The following RBFOX1 variants were observed in gnomAD, a reference collection of about 807,000 sequenced individuals.
RBFOX1 encodes RNA binding fox-1 homolog 1.
A neutral mutation model predicts 57.7 loss-of-function variants in RBFOX1; 8 were observed. The ratio of observed to expected loss-of-function variants is 0.14; its 90% confidence interval spans 0.08 to 0.25. The LOEUF (loss-of-function observed/expected upper bound fraction) is 0.25. Ranked by LOEUF, RBFOX1 falls within the 10% of genes least tolerant of loss-of-function variation. The pLI is 1.00. For synonymous variants in RBFOX1, 326 were observed against 222.4 expected (o/e 1.47, Z -4.15); for missense variants, 611 against 548.5 (o/e 1.11, Z -1.14).
At chr16:5,775,054 A>G (rs916629245) in intron 3 of RBFOX1, among the ~76,000 whole-genome samples, 2 of 152,104 alleles carry the variant, frequency 1.3e-5, no homozygotes, top group Non-Finnish European at 2.9e-5. Flanking sequence ...TCACATAAAA[A>G]TGGAAAATCT....
intron 4 of RBFOX1, among the ~76,000 whole-genome samples, chr16:7,104,056 T>G (rs957185651): frequency 2.0e-5 from 3 of 152,180 alleles, no homozygotes; most frequent in African/African-American, 7.2e-5. Context: ...TCTAAAATAG[T>G]TCGTTACTAA....
chr16:7,120,830 T>TATATACACAC (rs1226442313), intron 4 of RBFOX1, among the ~76,000 whole-genome samples: 152 of 86,588 alleles, frequency 1.8e-3, no homozygotes, highest in Non-Finnish European at 2.6e-3. Context: ...TATGTATATA[T>TATATACACAC]ACACACACAC....
chr16:5,733,382 C>T (rs1357634933), intron 3 of RBFOX1, among the ~76,000 whole-genome samples: 1 of 152,132 alleles, frequency 6.6e-6, no homozygotes, highest in Non-Finnish European at 1.5e-5. Context: ...AGCAACTTAC[C>T]ATGATTCACA....
intron 1 of RBFOX1, among the ~76,000 whole-genome samples, chr16:5,242,872 G>A (rs937433235): frequency 2.5e-4 from 38 of 151,936 alleles, no homozygotes; most frequent in Non-Finnish European, 4.6e-4. Context: ...GGGTGGCAAG[G>A]GGTTGCTTTA....
At chr16:5,641,135 C>T (rs1170607265) in intron 3 of RBFOX1, among the ~76,000 whole-genome samples, 1 of 150,956 alleles carries the variant, frequency 6.6e-6, no homozygotes, top group East Asian at 2.0e-4. Flanking sequence ...CACACATGCA[C>T]ACCATGAATA....
At chr16:7,315,058 A>G (rs866941601) in intron 4 of RBFOX1, among the ~76,000 whole-genome samples, 8 of 150,742 alleles carry the variant, frequency 5.3e-5, no homozygotes, top group African/African-American at 1.7e-4. Context: ...GGAGCCCTCA[A>G]TCAATCTTTC....
intron 4 of RBFOX1, among the ~76,000 whole-genome samples, chr16:5,977,891 G>GT (rs1203526261): frequency 1.3e-5 from 2 of 151,906 alleles, no homozygotes; most frequent in South Asian, 2.1e-4. Context: ...GGCTTAGACA[G>GT]TTTTTTTGAC....
chr16:6,537,442 C>T (rs1363541645), intron 2 of RBFOX1, among the ~76,000 whole-genome samples: 3 of 152,120 alleles, frequency 2.0e-5, no homozygotes, highest in Non-Finnish European at 4.4e-5. Context: ...ATTTAACACT[C>T]ACAACAGTAT....
chr16:5,393,479 G>C (rs2066468831), intron 1 of RBFOX1, among the ~76,000 whole-genome samples: 1 of 152,208 alleles, frequency 6.6e-6, no homozygotes, highest in Non-Finnish European at 1.5e-5. Context: ...TTGGAAGAGA[G>C]TGGGTAGGGA....
chr16:7,334,720 A>G (rs2096754572), intron 4 of RBFOX1, among the ~76,000 whole-genome samples: 2 of 152,180 alleles, frequency 1.3e-5, no homozygotes, highest in African/African-American at 2.4e-5. Flanking sequence ...GCCACTCTGG[A>G]CGTATTACCC....
intron 3 of RBFOX1, among the ~76,000 whole-genome samples, chr16:6,663,598 T>C (rs1394417934): frequency 6.6e-6 from 1 of 152,152 alleles, no homozygotes. Flanking sequence ...TTAAGGCACA[T>C]AAGGGCAGAG....
intron 2 of RBFOX1, among the ~76,000 whole-genome samples, chr16:6,491,401 C>G (rs1455594533): frequency 6.6e-6 from 1 of 152,056 alleles, no homozygotes; most frequent in Admixed American, 6.6e-5. Context: ...ACCCAACACT[C>G]AGTGAATTTC....
At chr16:6,810,355 C>G (rs2088168102) in intron 3 of RBFOX1, among the ~76,000 whole-genome samples, 1 of 152,048 alleles carries the variant, frequency 6.6e-6, no homozygotes, top group Non-Finnish European at 1.5e-5. Context: ...TGCATTTTTT[C>G]CTCTCCTTGT....
Position 6,024,029 on chromosome 16 carries a change from C to T in RBFOX1, c.-127+4037C>T, listed in dbSNP as rs542517404. ...CTAGGAGTTTTTATGAAAAATGACG[C>T]GTGGAGTTATATACACAGGCAACTG... On this transcript the variant is annotated intron_variant, in intron 1 of 15. Coordinates refer to ENST00000550418, the MANE Select transcript of RBFOX1 (RefSeq NM_018723.4). Among the ~76,000 whole-genome samples the T allele has an allele frequency of 3.5e-4, 53 of 152,260 alleles. 1 individual carries two copies. The South Asian group carries it at 9.6e-3, about 27-fold the overall frequency.
chr16:5,876,822 C>G (rs947305887), intron 4 of RBFOX1, among the ~76,000 whole-genome samples: 1 of 152,216 alleles, frequency 6.6e-6, no homozygotes, highest in Non-Finnish European at 1.5e-5. Flanking sequence ...TCCAGCCTGT[C>G]ATAGTCTGTA....
chr16:7,235,672 TCAA>T (rs2093731312), intron 4 of RBFOX1, among the ~76,000 whole-genome samples: 1 of 152,224 alleles, frequency 6.6e-6, no homozygotes, highest in African/African-American at 2.4e-5. Context: ...TGCCATGACA[TCAA>T]GAATATCCTC....
chr16:6,628,857 C>T (rs1326914957), intron 2 of RBFOX1, among the ~76,000 whole-genome samples: 4 of 147,102 alleles, frequency 2.7e-5, no homozygotes, highest in Admixed American at 6.9e-5. Flanking sequence ...GGTGAAACCC[C>T]GTGTCTACTG....
At chr16:7,361,205 T>G (rs1267757952) in intron 4 of RBFOX1, among the ~76,000 whole-genome samples, 1 of 152,178 alleles carries the variant, frequency 6.6e-6, no homozygotes, top group African/African-American at 2.4e-5. Context: ...GAAGCCAGTT[T>G]CGTTTTATGC....
chr16:5,388,647 G>T (rs1020764798), intron 1 of RBFOX1, among the ~76,000 whole-genome samples: 2 of 152,016 alleles, frequency 1.3e-5, no homozygotes, highest in African/African-American at 2.4e-5. Context: ...TATGATCTCA[G>T]CTCACTGCAA....
Sources: gnomAD v4.1 joint callset for allele counts (sites outside exome capture counted in the v4.1 genomes callset) on GRCh38, gnomAD v4.1.1 for gene constraint, MANE v1.5 for transcripts, NCBI Gene and HGNC (gene_info 2026-07-23, HGNC 2026-07-21) for gene names.